The following ITIH2 variants were observed in gnomAD, a reference collection of about 807,000 sequenced individuals.
The protein encoded by ITIH2 is inter-alpha-trypsin inhibitor heavy chain 2.
A neutral mutation model predicts 104.4 loss-of-function variants in ITIH2; 103 were observed. That is an observed-to-expected ratio of 0.99 (90% CI 0.84 to 1.16). ITIH2 has a LOEUF of 1.16. Ranked by LOEUF, ITIH2 falls within the 50% of genes most tolerant of loss-of-function variation. ITIH2 has a pLI of 0.00. For missense variants in ITIH2, 1,108 were observed against 1,162.4 expected (o/e 0.95, Z 0.68); for synonymous variants, 436 against 435.4 (o/e 1.00, Z -0.02).
chr10:7,743,975 T>C, intron 17 of ITIH2, 107 bp from the exon 18 acceptor site: 2 of 681,042 alleles, frequency 2.9e-6, no homozygotes, highest in Non-Finnish European at 4.7e-6. Context: ...AGCAAAATTA[T>C]AATAATTTTC....
intron 2 of ITIH2, among the ~76,000 whole-genome samples, chr10:7,705,609 G>A (rs1194428100): frequency 6.6e-6 from 1 of 151,000 alleles, no homozygotes; most frequent in Non-Finnish European, 1.5e-5. Context: ...AGCTGAGATG[G>A]AGGATCACTT....
chr10:7,747,616 G>C (rs937436565), intron 20 of ITIH2, among the ~76,000 whole-genome samples: 1 of 152,172 alleles, frequency 6.6e-6, no homozygotes, highest in African/African-American at 2.4e-5. Flanking sequence ...GCCAGGCATG[G>C]TGGCTCATGC....
intron 9 of ITIH2, among the ~76,000 whole-genome samples, chr10:7,724,408 T>C (rs540261746): frequency 6.6e-6 from 1 of 151,636 alleles, no homozygotes; most frequent in African/African-American, 2.4e-5. Flanking sequence ...CTGTCTCTAC[T>C]AAAAATACAA....
intron 4 of ITIH2, among the ~76,000 whole-genome samples, chr10:7,710,048 T>C (rs756341295): frequency 6.6e-6 from 1 of 152,166 alleles, no homozygotes; most frequent in Non-Finnish European, 1.5e-5. Context: ...GAGACGGAGT[T>C]TCACCGTGTT....
intron 15 of ITIH2, among the ~76,000 whole-genome samples, chr10:7,737,437 A>G (rs1835066929): frequency 7.1e-6 from 1 of 141,382 alleles, no homozygotes; most frequent in South Asian, 2.2e-4. Context: ...ACACGTGTAT[A>G]TATATATATA....
At position 7,749,383 on chromosome 10, in the gene ITIH2, G is replaced by C. The variant is rs1275375606; in HGVS notation, c.*49G>C. 3 of 1,475,106 alleles carry C rather than the reference G, an allele frequency of 2.0e-6. No individual in the cohort carries two copies. In the African/African-American group the frequency reaches 4.2e-5, roughly 21 times the overall value. The allele number at this position is 1,475,106 out of a possible 1,614,324, so 91.4% of individuals were successfully genotyped here. On this transcript the variant is annotated 3_prime_UTR_variant, in exon 21 of 21. Coordinates refer to ENST00000358415, the MANE Select transcript of ITIH2 (RefSeq NM_002216.3). ...ATATATTAATATACATCTTTCCCCT[G>C]TCACTTTTGCAGATATTCTTCGGTT...
At position 7,743,144 on chromosome 10, in the gene ITIH2, A is replaced by G. The variant is rs1394583779; in HGVS notation, c.2096-2A>G. 5.8e-6 allele frequency: 8 copies of G among 1,370,408 alleles called. No homozygotes were observed. Among genetic ancestry groups the G allele is most frequent in the Non-Finnish European group, 8.2e-6 (8 of 981,260 alleles). The allele number at this position is 1,370,408 out of a possible 1,614,324, so 84.9% of individuals were successfully genotyped here. On this transcript the variant is annotated splice_acceptor_variant, in intron 16 of 20. Coordinates refer to ENST00000358415, the MANE Select transcript of ITIH2 (RefSeq NM_002216.3). LOFTEE classifies it high-confidence loss of function. ...TTTACGTTTTCTTTGTATATTTTCC[A>G]GTTGAAAATGACCCACATTTCATCA...
chr10:7,738,706 G>A lies in ITIH2; in HGVS notation c.2043G>A (p.Leu681=), dbSNP rs755345680. 12 of 1,613,504 alleles carry A rather than the reference G, an allele frequency of 7.4e-6. No individual in the cohort carries two copies. The highest frequency in any genetic ancestry group is 3.3e-4 in the Middle Eastern group (2 of 6,080). Reference sequence around the variant, plus strand: ...CACCAACGCCCGTGATCTCCATGCTGGCACAAGGATCTCAGGTGCTAGAGT... The same window carrying A: ...CACCAACGCCCGTGATCTCCATGCTAGCACAAGGATCTCAGGTGCTAGAGT... ...NPSPTPVISM[L]AQGSQVLEST... Residue 681 remains leucine (L), a synonymous_variant, in exon 16 of 21, where the codon CTG becomes CTA. Coordinates refer to ENST00000358415, the MANE Select transcript of ITIH2 (RefSeq NM_002216.3).
intron 6 of ITIH2, among the ~76,000 whole-genome samples, chr10:7,718,967 T>C (rs937104912): frequency 6.6e-6 from 1 of 152,220 alleles, no homozygotes; most frequent in Non-Finnish European, 1.5e-5. Context: ...ACTAAACTGC[T>C]CTTTTCTTTG....
At chr10:7,708,873 T>C (rs1379325285) in intron 3 of ITIH2, 149 bp from the exon 4 acceptor site, 2 of 686,278 alleles carry the variant, frequency 2.9e-6, no homozygotes, top group Non-Finnish European at 5.0e-6. Flanking sequence ...TGCTTAACCA[T>C]ACATGAATTC....
chr10:7,731,374 G>C (rs1406062922), intron 12 of ITIH2, among the ~76,000 whole-genome samples: 1 of 152,070 alleles, frequency 6.6e-6, no homozygotes, highest in Non-Finnish European at 1.5e-5. Flanking sequence ...ATTTTCCCTT[G>C]TCCCAAACGT....
In ITIH2 at chr10:7,746,587, T is replaced by G. The variant is rs1189725909; in HGVS notation, c.2582-6T>G. 6.3e-7 allele frequency: 1 copy of G among 1,586,194 alleles called. No individual in the cohort carries two copies. The highest frequency in any genetic ancestry group is 1.3e-5 in the African/African-American group (1 of 74,438). ...TGTCAATCAATGTCTGATTCTGTTT[T>G]GCTAGGCCAGTTCATGCAGGAACCA... On this transcript the variant is annotated splice_region_variant and splice_polypyrimidine_tract_variant and intron_variant, in intron 19 of 20. Coordinates refer to ENST00000358415, the MANE Select transcript of ITIH2 (RefSeq NM_002216.3).
At position 7,749,404 on chromosome 10, in the gene ITIH2, CG is replaced by C; in HGVS notation, c.*72del. 7.6e-7 allele frequency: 1 copy of C among 1,318,714 alleles called. No homozygotes were observed. The highest frequency in any genetic ancestry group is 1.4e-5 in the South Asian group (1 of 70,188). 81.7% of individuals were successfully genotyped at this position (1,318,714 alleles called of 1,614,324 possible). A position where few individuals can be genotyped will look rare whatever the true frequency, so the allele number is the denominator to read the frequency against. On this transcript the variant is annotated 3_prime_UTR_variant, in exon 21 of 21. Transcript: ENST00000358415. ...CCCTGTCACTTTTGCAGATATTCTT[CG>C]GTTTGAATAATTAAAATGAACCAGA...
At chr10:7,728,731 G>T (rs557128712) in intron 11 of ITIH2, among the ~76,000 whole-genome samples, 18 of 152,094 alleles carry the variant, frequency 1.2e-4, no homozygotes, top group Admixed American at 9.8e-4. Context: ...TCTGGCCACT[G>T]TAAGTAATAG....
intron 7 of ITIH2, 49 bp from the exon 8 acceptor site, chr10:7,721,600 A>C (rs1834903454): frequency 1.3e-6 from 2 of 1,580,976 alleles, no homozygotes; most frequent in East Asian, 2.2e-5. Flanking sequence ...AGCGCCAAGC[A>C]CTGGGAAGGG....
intron 16 of ITIH2, among the ~76,000 whole-genome samples, chr10:7,741,399 C>T (rs532017488): frequency 4.6e-5 from 7 of 152,026 alleles, no homozygotes; most frequent in African/African-American, 1.7e-4. Context: ...AGGCTGGTCT[C>T]GAATGCCTGA....
Position 7,744,813 on chromosome 10 carries a change from G to A in ITIH2, c.2431G>A (p.Glu811Lys). 6.2e-7 allele frequency: 1 copy of A among 1,613,852 alleles called. No homozygotes were observed. Residue 811 changes from glutamate to lysine, a missense_variant, in exon 19 of 21, where the codon GAA becomes AAA. Glu to Lys is a moderately conservative substitution (Grantham distance 56, BLOSUM62 1). Coordinates refer to ENST00000358415, the MANE Select transcript of ITIH2 (RefSeq NM_002216.3). ...NQRVQISVKK[E>K]KVVTITLDKE... ...CAGGGTGCAGATCTCAGTGAAGAAA[G>A]AAAAAGTGGTAACTATCACCCTGGA...
chr10:7,725,907 T>C (rs1834947745), intron 9 of ITIH2, among the ~76,000 whole-genome samples: 1 of 151,940 alleles, frequency 6.6e-6, no homozygotes, highest in African/African-American at 2.4e-5. Flanking sequence ...AGAGGATAAT[T>C]GGTGATAGAG....
Position 7,749,356 on chromosome 10 carries a change from A to G in ITIH2, c.*22A>G. On this transcript the variant is annotated 3_prime_UTR_variant, in exon 21 of 21. Transcript: ENST00000358415. ...TTAAAGGTTTATAGTTTGGGAAATT[A>G]TATATATTAATATACATCTTTCCCC... 1.3e-6 allele frequency: 2 copies of G among 1,574,278 alleles called. No homozygotes were observed. Among genetic ancestry groups the G allele is most frequent in the Non-Finnish European group, 1.7e-6 (2 of 1,147,702 alleles).
Sources: allele counts gnomAD v4.1 joint callset (sites outside exome capture counted in the v4.1 genomes callset), GRCh38; gene constraint gnomAD v4.1.1; transcripts MANE v1.5; gene names NCBI Gene and HGNC (gene_info 2026-07-23, HGNC 2026-07-21).